EFCAB11: variants seen among roughly 807,000 people sequenced by gnomAD.
EFCAB11 encodes EF-hand calcium binding domain 11, also known as EF-hand calcium-binding domain-containing protein 11.
In EFCAB11, 14 loss-of-function variants were observed where a neutral mutation model predicts 23.0. The ratio of observed to expected loss-of-function variants is 0.61; its 90% confidence interval spans 0.40 to 0.95. The LOEUF is 0.95. Ranked by LOEUF, EFCAB11 falls within the 40% of genes least tolerant of loss-of-function variation. The pLI, the probability that EFCAB11 is intolerant of heterozygous loss-of-function variation, is 0.00. For missense variants in EFCAB11, 198 were observed against 195.8 expected (o/e 1.01, Z -0.07); for synonymous variants, 65 against 66.6 (o/e 0.98, Z 0.11).
intron 3 of EFCAB11, among the ~76,000 whole-genome samples, chr14:89,936,191 A>G (rs2139818389): frequency 6.6e-6 from 1 of 152,326 alleles, no homozygotes; most frequent in Non-Finnish European, 1.5e-5. Context: ...TACATCGATA[A>G]TATTTGCTCT....
At chr14:89,878,478 C>A (rs1888508353) in intron 5 of EFCAB11, among the ~76,000 whole-genome samples, 1 of 151,982 alleles carries the variant, frequency 6.6e-6, no homozygotes, top group African/African-American at 2.4e-5. Context: ...CAATCCATAT[C>A]CAAAACAAGA....
chr14:89,821,994 C>T (rs909027708), intron 5 of EFCAB11, among the ~76,000 whole-genome samples: 2 of 152,218 alleles, frequency 1.3e-5, no homozygotes, highest in African/African-American at 4.8e-5. Context: ...TTACACATGA[C>T]ATTTCCCACT....
intron 5 of EFCAB11, among the ~76,000 whole-genome samples, chr14:89,820,953 T>C (rs1418928613): frequency 6.6e-6 from 1 of 152,084 alleles, no homozygotes; most frequent in Non-Finnish European, 1.5e-5. Flanking sequence ...TTTCTCTTTG[T>C]CACACAGGCT....
rs376041474 is a variant in EFCAB11 at position 89,923,899 on chromosome 14, C to T, written c.410+7642G>A. The T allele has an allele frequency of 5.0e-5, 49 of 985,356 alleles. No individual in the cohort carries two copies. The East Asian group carries it at 5.7e-4, about 11-fold the overall frequency. The allele number at this position is 985,356 out of a possible 1,614,324, so 61.0% of individuals were successfully genotyped here. A position where few individuals can be genotyped will look rare whatever the true frequency, so the allele number is the denominator to read the frequency against. On this transcript the variant is annotated intron_variant, in intron 5 of 5. Transcript: ENST00000316738. ...GTGAGAAATAACATTTCAAAAGAGA[C>T]GCAAATGACTTGAAAAAGTAAATGT...
intron 3 of EFCAB11, among the ~76,000 whole-genome samples, chr14:89,944,100 C>T (rs8008314): frequency 0.15 from 23,087 of 152,208 alleles, 3,878 homozygotes; most frequent in African/African-American, 0.42. Context: ...TTAATCTTTT[C>T]TCATGCTGCT....
chr14:89,868,103 T>C (rs530551020), intron 5 of EFCAB11, among the ~76,000 whole-genome samples: 46 of 152,338 alleles, frequency 3.0e-4, no homozygotes, highest in African/African-American at 8.4e-4. Context: ...CCATTCTTAA[T>C]TGGGGGCTGT....
chr14:89,899,522 G>T (rs538705866), intron 5 of EFCAB11, among the ~76,000 whole-genome samples: 2 of 152,166 alleles, frequency 1.3e-5, no homozygotes, highest in East Asian at 3.9e-4. Flanking sequence ...TATATCAAAA[G>T]ATAATCCCTC....
intron 5 of EFCAB11, among the ~76,000 whole-genome samples, chr14:89,844,718 T>C (rs1220617145): frequency 2.0e-5 from 3 of 152,226 alleles, no homozygotes; most frequent in Non-Finnish European, 4.4e-5. Flanking sequence ...TGGTTTTGGC[T>C]CAATCCCTGG....
intron 5 of EFCAB11, among the ~76,000 whole-genome samples, chr14:89,804,093 C>T (rs555894831): frequency 2.9e-4 from 44 of 152,326 alleles, no homozygotes; most frequent in African/African-American, 1.1e-3. Context: ...CCAGCCATTG[C>T]TGGGAAAGCC....
chr14:89,936,783 GAA>G (rs1235953201), intron 3 of EFCAB11, among the ~76,000 whole-genome samples: 2 of 152,126 alleles, frequency 1.3e-5, no homozygotes, highest in African/African-American at 4.8e-5. Context: ...GCTCTGCAAT[GAA>G]AACACATTAA....
At chr14:89,835,610 G>A (rs1417761223) in intron 5 of EFCAB11, among the ~76,000 whole-genome samples, 3 of 148,388 alleles carry the variant, frequency 2.0e-5, no homozygotes, top group Non-Finnish European at 4.5e-5. Flanking sequence ...GTGTGTGTGT[G>A]TGTGTGTGTG....
At chr14:89,892,901 C>CA (rs560493240) in intron 5 of EFCAB11, among the ~76,000 whole-genome samples, 8 of 149,474 alleles carry the variant, frequency 5.4e-5, no homozygotes, top group South Asian at 2.1e-4. Context: ...GACTCTGTTT[C>CA]AAAAAAAAAG....
intron 3 of EFCAB11, among the ~76,000 whole-genome samples, chr14:89,941,345 T>G (rs1038092712): frequency 6.6e-6 from 1 of 152,166 alleles, no homozygotes; most frequent in Admixed American, 6.5e-5. Context: ...TTCAACTCAT[T>G]GATTCATAAA....
intron 5 of EFCAB11, among the ~76,000 whole-genome samples, chr14:89,900,943 T>G (rs1202921837): frequency 6.6e-6 from 1 of 152,194 alleles, no homozygotes; most frequent in East Asian, 1.9e-4. Flanking sequence ...CGGTGGAAAT[T>G]TTAAGTCAGT....
At chr14:89,855,834 A>G (rs1887734365) in intron 5 of EFCAB11, among the ~76,000 whole-genome samples, 1 of 151,888 alleles carries the variant, frequency 6.6e-6, no homozygotes, top group African/African-American at 2.4e-5. Context: ...TGTATATTTG[A>G]CTGGGTTTTT....
At chr14:89,859,407 GCCT>G (rs912733042) in intron 5 of EFCAB11, among the ~76,000 whole-genome samples, 2 of 152,218 alleles carry the variant, frequency 1.3e-5, no homozygotes, top group South Asian at 2.1e-4. Flanking sequence ...ACCATAGTCT[GCCT>G]CCTCAAGGAA....
rs1885597341 is a variant in EFCAB11 at position 89,797,048 on chromosome 14, C to T, written c.*195G>A. The T allele has an allele frequency of 2.9e-6, 1 of 339,602 alleles. No individual in the cohort carries two copies. Among genetic ancestry groups the T allele is most frequent in the Non-Finnish European group, 5.4e-6 (1 of 186,316 alleles). The allele number at this position is 339,602 out of a possible 1,614,324, so 21.0% of individuals were successfully genotyped here. On this transcript the variant is annotated 3_prime_UTR_variant, in exon 6 of 6. Transcript: ENST00000316738. ...AATTTAGTCAATTACTTATTGCATG[C>T]CTGTGCCAAAATATCTCCCGTAACC...
intron 5 of EFCAB11, among the ~76,000 whole-genome samples, chr14:89,874,865 C>A (rs940976743): frequency 1.3e-5 from 2 of 151,830 alleles, no homozygotes. Flanking sequence ...GCACTCTAGC[C>A]TGGGCAACAG....
intron 5 of EFCAB11, among the ~76,000 whole-genome samples, chr14:89,917,053 C>CGT (rs71107570): frequency 0.16 from 21,631 of 136,580 alleles, 1,878 homozygotes; most frequent in East Asian, 0.3. Context: ...TGACATGCTT[C>CGT]GTGTGTGTGT....
Sources: gnomAD v4.1 joint callset for allele counts (sites outside exome capture counted in the v4.1 genomes callset) on GRCh38, gnomAD v4.1.1 for gene constraint, MANE v1.5 for transcripts, NCBI Gene and HGNC (gene_info 2026-07-23, HGNC 2026-07-21) for gene names.